Variants in RBFOX1 observed in about 807,000 individuals in gnomAD.
RBFOX1 encodes the protein RNA binding protein fox-1 homolog 1.
A neutral mutation model predicts 57.7 loss-of-function variants in RBFOX1; 8 were observed. That is an observed-to-expected ratio of 0.14 (90% confidence interval 0.08 to 0.25). The LOEUF (loss-of-function observed/expected upper bound fraction) is 0.25, where lower values mean the gene tolerates loss of function less well. Ranked by LOEUF, RBFOX1 falls within the 10% of genes least tolerant of loss-of-function variation. The pLI, the probability that RBFOX1 is intolerant of heterozygous loss-of-function variation, is 1.00. For synonymous variants in RBFOX1, 326 were observed against 222.4 expected, an observed-to-expected ratio of 1.47 and a Z score of -4.15; for missense variants, 611 against 548.5, an observed-to-expected ratio of 1.11 and a Z score of -1.14.
chr16:6,061,485 T>C (rs2095685839), intron 1 of RBFOX1, among the ~76,000 whole-genome samples: 1 of 151,820 alleles, frequency 6.6e-6, no homozygotes, highest in Admixed American at 6.6e-5. Flanking sequence ...TTTCATTGTA[T>C]AACATATAAT....
intron 4 of RBFOX1, among the ~76,000 whole-genome samples, chr16:5,931,742 T>A (rs1466502897): frequency 6.6e-6 from 1 of 152,176 alleles, no homozygotes; most frequent in Non-Finnish European, 1.5e-5. Flanking sequence ...CCCCTGAGAT[T>A]CCCTACCCGT....
intron 4 of RBFOX1, among the ~76,000 whole-genome samples, chr16:7,113,805 C>T (rs2065287896): frequency 1.3e-5 from 2 of 152,038 alleles, no homozygotes; most frequent in South Asian, 4.2e-4. Flanking sequence ...TTAAAGTTCC[C>T]TCCCGTGCTG....
upstream of RBFOX1, among the ~76,000 whole-genome samples, chr16:6,014,669 C>T (rs899629104): frequency 1.3e-5 from 2 of 152,130 alleles, no homozygotes; most frequent in African/African-American, 4.8e-5. Flanking sequence ...GTGAGAAAGC[C>T]TTCAGGTAAG....
At chr16:6,848,274 G>A (rs1187579813) in intron 3 of RBFOX1, among the ~76,000 whole-genome samples, 1 of 152,132 alleles carries the variant, frequency 6.6e-6, no homozygotes, top group African/African-American at 2.4e-5. Context: ...AGCTGATTGT[G>A]ACCATGTGGG....
At chr16:5,788,462 C>T (rs1356682716) in intron 3 of RBFOX1, among the ~76,000 whole-genome samples, 2 of 152,028 alleles carry the variant, frequency 1.3e-5, no homozygotes, top group African/African-American at 4.8e-5. Context: ...AACACTGTCT[C>T]TACCAAAAAT....
rs2084130512 is a variant in RBFOX1 at position 7,712,388 on chromosome 16, A to C, written c.*1643A>C. On this transcript the variant is annotated 3_prime_UTR_variant, in exon 16 of 16. Coordinates refer to ENST00000550418, the MANE Select transcript of RBFOX1 (RefSeq NM_018723.4). The stretch of plus-strand genomic sequence containing the variant: ...AACAACTCTGCTTTAAAACAAAACC[A>C]AACAAAACTTTAAAAAAAAATGTGT... 6.6e-6 allele frequency: 1 copy of C among 152,650 alleles called. No individual in the cohort carries two copies. The highest frequency in any genetic ancestry group is 2.4e-5 in the African/African-American group (1 of 41,448). The allele number at this position is 152,650 out of a possible 1,614,324, so 9.5% of individuals were successfully genotyped here. A position where few individuals can be genotyped will look rare whatever the true frequency, so the allele number is the denominator to read the frequency against.
At chr16:7,093,474 C>A (rs2061195927) in intron 4 of RBFOX1, among the ~76,000 whole-genome samples, 1 of 152,102 alleles carries the variant, frequency 6.6e-6, no homozygotes, top group African/African-American at 2.4e-5. Context: ...TGTTTTTGAA[C>A]ATTTGGAAAG....
At chr16:6,870,905 G>T (rs1042346085) in intron 3 of RBFOX1, among the ~76,000 whole-genome samples, 3 of 152,120 alleles carry the variant, frequency 2.0e-5, no homozygotes, top group Non-Finnish European at 4.4e-5. Context: ...CATTTATAAA[G>T]AGAATAAAAA....
chr16:5,787,466 G>A (rs536845279), intron 3 of RBFOX1, among the ~76,000 whole-genome samples: 5 of 152,228 alleles, frequency 3.3e-5, no homozygotes, highest in African/African-American at 1.2e-4. Context: ...GTTTGCAGTG[G>A]GCTTACCTCA....
At chr16:7,049,804 C>T (rs2049356043) in intron 3 of RBFOX1, among the ~76,000 whole-genome samples, 1 of 152,186 alleles carries the variant, frequency 6.6e-6, no homozygotes, top group South Asian at 2.1e-4. Flanking sequence ...GTTTTCGCTC[C>T]ATCTTGTCAA....
At chr16:6,438,876 G>C (rs887055943) in intron 2 of RBFOX1, among the ~76,000 whole-genome samples, 17 of 152,172 alleles carry the variant, frequency 1.1e-4, no homozygotes, top group African/African-American at 3.9e-4. Context: ...ATGGTACTTT[G>C]TTAGTTATCT....
chr16:7,535,886 T>G (rs1335087042), intron 5 of RBFOX1, among the ~76,000 whole-genome samples: 1 of 152,214 alleles, frequency 6.6e-6, no homozygotes, highest in Non-Finnish European at 1.5e-5. Context: ...TACTCAATAA[T>G]TGTGTATTGT....
At chr16:6,227,360 T>A (rs1036074122) in intron 1 of RBFOX1, among the ~76,000 whole-genome samples, 1 of 152,200 alleles carries the variant, frequency 6.6e-6, no homozygotes, top group African/African-American at 2.4e-5. Flanking sequence ...GACCACATTT[T>A]CAGAAAGAGT....
At chr16:7,256,832 T>G (rs1026055420) in intron 4 of RBFOX1, among the ~76,000 whole-genome samples, 2 of 152,148 alleles carry the variant, frequency 1.3e-5, no homozygotes, top group African/African-American at 4.8e-5. Context: ...CGCACACATC[T>G]TTGCCTTTGT....
In RBFOX1 at chr16:6,776,662, AATT is replaced by A. The variant is rs200918417; in HGVS notation, c.-16+122018_-16+122020del. ...TCGGTATGCCATCTCTACATACCTG[AATT>A]ATTATAAAGGTAACAAGGTTATAAG... is the stretch of plus-strand genomic sequence containing the variant. On this transcript the variant is annotated intron_variant, in intron 3 of 15. Transcript: ENST00000550418. Among the ~76,000 whole-genome samples the A allele has an allele frequency of 9.5e-3, 1,451 of 152,188 alleles. 28 individuals are homozygous for A. The highest frequency in any genetic ancestry group is 0.033 in the African/African-American group (1,373 of 41,536).
At chr16:6,397,861 A>T (rs758089260) in intron 2 of RBFOX1, among the ~76,000 whole-genome samples, 11 of 152,212 alleles carry the variant, frequency 7.2e-5, no homozygotes, top group East Asian at 1.9e-4. Flanking sequence ...AACTACTAAA[A>T]ATATTACAAA....
intron 4 of RBFOX1, among the ~76,000 whole-genome samples, chr16:7,483,836 G>C (rs1305137869): frequency 1.3e-5 from 2 of 152,222 alleles, no homozygotes; most frequent in Non-Finnish European, 2.9e-5. Flanking sequence ...GTTTATAGCA[G>C]AGGCTGCGCA....
chr16:6,336,671 G>C lies in RBFOX1; in HGVS notation c.-64+19614G>C, dbSNP rs527845279. Among the ~76,000 whole-genome samples the C allele has an allele frequency of 3.3e-5, 5 of 152,214 alleles. No individual in the cohort carries two copies. In the East Asian group the frequency reaches 9.7e-4, roughly 29 times the overall value. ...GGCCTCTGTCTCCTCATCTCTGAAA[G>C]CCATAAGATTCTGTAAAGAGGTGGG... On this transcript the variant is annotated intron_variant, in intron 2 of 15. Coordinates refer to ENST00000550418, the MANE Select transcript of RBFOX1 (RefSeq NM_018723.4).
chr16:6,678,399 C>G (rs181833310), intron 3 of RBFOX1, among the ~76,000 whole-genome samples: 1 of 152,036 alleles, frequency 6.6e-6, no homozygotes, highest in African/African-American at 2.4e-5. Flanking sequence ...GCTGGGATTA[C>G]AGGCATGAGC....
Sources: gnomAD v4.1 joint callset for allele counts (sites outside exome capture counted in the v4.1 genomes callset) on GRCh38, gnomAD v4.1.1 for gene constraint, MANE v1.5 for transcripts, NCBI Gene and HGNC (gene_info 2026-07-23, HGNC 2026-07-21) for gene names.